The following EXT1 variants were observed in gnomAD, a reference collection of about 807,000 sequenced individuals.
The protein encoded by EXT1 is exostosin-1.
EXT1 carries 20 observed loss-of-function variants against 82.5 expected under a neutral mutation model. That is an observed-to-expected ratio of 0.24 (90% CI 0.17 to 0.35). The LOEUF is 0.35. Ranked by LOEUF, EXT1 falls within the 10% of genes least tolerant of loss-of-function variation. The probability of loss-of-function intolerance (pLI) is 1.00; values close to 1 mark genes in which losing one functional copy is unlikely to be tolerated. For missense variants in EXT1, 757 were observed against 936.5 expected (o/e 0.81, Z 2.50); for synonymous variants, 348 against 350.8 (o/e 0.99, Z 0.09).
At chr8:117,986,214 A>C (rs1259474399) in intron 1 of EXT1, among the ~76,000 whole-genome samples, 1 of 119,288 alleles carries the variant, frequency 8.4e-6, no homozygotes, top group Non-Finnish European at 1.7e-5. Flanking sequence ...TTTTGAGACG[A>C]AGTCTCGCTC....
intron 1 of EXT1, among the ~76,000 whole-genome samples, chr8:118,109,227 AG>A (rs146606845): frequency 0.012 from 1,875 of 152,250 alleles, 45 homozygotes; most frequent in African/African-American, 0.043. Flanking sequence ...CTCACTACAG[AG>A]GGTAAGGAGG....
At chr8:117,994,812 C>A (rs924263309) in intron 1 of EXT1, among the ~76,000 whole-genome samples, 2 of 152,160 alleles carry the variant, frequency 1.3e-5, no homozygotes, top group Admixed American at 6.6e-5. Context: ...ATCTAACTGT[C>A]GGATGCAATC....
intron 1 of EXT1, among the ~76,000 whole-genome samples, chr8:118,018,002 C>T (rs1295557740): frequency 6.6e-6 from 1 of 152,216 alleles, no homozygotes. Flanking sequence ...GATTATAGTG[C>T]TATTCATTGC....
chr8:117,864,488 G>A (rs1012292827), intron 1 of EXT1, among the ~76,000 whole-genome samples: 1 of 152,200 alleles, frequency 6.6e-6, no homozygotes, highest in Admixed American at 6.5e-5. Flanking sequence ...AGTGGCTCAC[G>A]CCTGTAATCC....
At chr8:118,074,610 C>T (rs926285846) in intron 1 of EXT1, among the ~76,000 whole-genome samples, 1 of 149,890 alleles carries the variant, frequency 6.7e-6, no homozygotes, top group Admixed American at 6.6e-5. Flanking sequence ...CGGGTGAGAA[C>T]ATTGAATTGA....
At position 117,818,492 on chromosome 8, in the gene EXT1, G is replaced by C; in HGVS notation, c.1575C>G (p.Ala525=). The change falls in exon 7 of 11, where the codon GCC becomes GCG. Residue 525 remains alanine (A), a synonymous_variant. Transcript: ENST00000378204. ...CAGCAGTGGCAGGCCAGCGGTGTTTGGCTGGTAGGGGCTTGTCACAATTCC... is the reference window on the plus strand; with the variant it reads ...CAGCAGTGGCAGGCCAGCGGTGTTTCGCTGGTAGGGGCTTGTCACAATTCC... ...VLWNCDKPLP[A]KHRWPATAVP... 6.2e-7 allele frequency: 1 copy of C among 1,614,042 alleles called. No homozygotes were observed.
At chr8:117,851,804 C>A (rs1289479623) in intron 1 of EXT1, among the ~76,000 whole-genome samples, 1 of 152,094 alleles carries the variant, frequency 6.6e-6, no homozygotes. Context: ...CATTCTTGGA[C>A]ACTGTGTTTG....
intron 1 of EXT1, among the ~76,000 whole-genome samples, chr8:117,847,990 C>T (rs1373943781): frequency 1.3e-5 from 2 of 152,216 alleles, no homozygotes; most frequent in Non-Finnish European, 2.9e-5. Context: ...TGCCTTGTGA[C>T]TTTGACAGTC....
intron 4 of EXT1, among the ~76,000 whole-genome samples, chr8:117,829,244 G>C (rs138787885): frequency 2.0e-5 from 3 of 152,142 alleles, no homozygotes; most frequent in Admixed American, 6.5e-5. Context: ...AATGCTATCT[G>C]CTCTATTTCC....
chr8:117,801,261 T>C (rs62521078), intron 10 of EXT1, among the ~76,000 whole-genome samples: 4,547 of 152,344 alleles, frequency 0.03, 101 homozygotes, highest in Middle Eastern at 0.051. Context: ...GTGAAGTATC[T>C]ACCCAGGTAA....
At position 117,818,660 on chromosome 8, in the gene EXT1, A is replaced by G. The variant is rs78027235; in HGVS notation, c.1537-130T>C. ...ATCTCAGCAAGACAAAACGGCAGAC[A>G]TCAAAACTGAGTTTTAAAGTGAGTC... On this transcript the variant is annotated intron_variant, in intron 6 of 10. Coordinates refer to ENST00000378204, the MANE Select transcript of EXT1 (RefSeq NM_000127.3). The G allele has an allele frequency of 1.1e-4, 78 of 739,346 alleles. 2 individuals carry two copies. The East Asian group carries it at 1.2e-3, about 12-fold the overall frequency. The allele number at this position is 739,346 out of a possible 1,614,324, so 45.8% of individuals were successfully genotyped here.
chr8:118,073,887 T>A (rs1817153601), intron 1 of EXT1, among the ~76,000 whole-genome samples: 1 of 152,166 alleles, frequency 6.6e-6, no homozygotes, highest in South Asian at 2.1e-4. Context: ...CTCTCATCTT[T>A]CCAACGGTCC....
At chr8:117,970,739 C>T (rs1351383557) in intron 1 of EXT1, among the ~76,000 whole-genome samples, 9 of 152,162 alleles carry the variant, frequency 5.9e-5, no homozygotes, top group Admixed American at 5.9e-4. Flanking sequence ...CAGTTACAAA[C>T]TTCATTGAGT....
At chr8:118,078,559 A>G (rs964055387) in intron 1 of EXT1, among the ~76,000 whole-genome samples, 18 of 140,858 alleles carry the variant, frequency 1.3e-4, no homozygotes, top group Non-Finnish European at 1.6e-4. Context: ...TTTTGGTGGG[A>G]AAAAAAAAAA....
intron 1 of EXT1, among the ~76,000 whole-genome samples, chr8:117,997,205 G>C (rs564597031): frequency 7.6e-4 from 114 of 150,492 alleles, no homozygotes; most frequent in Non-Finnish European, 1.3e-3. Flanking sequence ...CTCAAATTGA[G>C]GCATTGATTG....
intron 1 of EXT1, among the ~76,000 whole-genome samples, chr8:117,958,232 T>C (rs2129710939): frequency 6.6e-6 from 1 of 152,300 alleles, no homozygotes; most frequent in South Asian, 2.1e-4. Flanking sequence ...AATTTCTTTG[T>C]GAACAACATT....
intron 1 of EXT1, among the ~76,000 whole-genome samples, chr8:117,889,947 G>GA (rs945355586): frequency 2.7e-4 from 41 of 151,968 alleles, no homozygotes; most frequent in African/African-American, 9.2e-4. Flanking sequence ...GTTTTTATAT[G>GA]AAAAAAATGA....
Position 118,076,642 on chromosome 8 carries a change from CA to C in EXT1, c.962+33442del, listed in dbSNP as rs535336325. Among the ~76,000 whole-genome samples the C allele has an allele frequency of 8.9e-4, 135 of 152,344 alleles. 2 individuals carry two copies. The highest frequency in any genetic ancestry group is 3.4e-3 in the Middle Eastern group (1 of 294). On this transcript the variant is annotated intron_variant, in intron 1 of 10. Transcript: ENST00000378204. ...ACCCAATCCCTGCCACAAGTGCTCA[CA>C]CTGTCAGTGCTCACAATAGTAAGTG... is the stretch of plus-strand genomic sequence containing the variant.
intron 1 of EXT1, among the ~76,000 whole-genome samples, chr8:118,105,942 A>C (rs768032017): frequency 6.6e-6 from 1 of 152,214 alleles, no homozygotes; most frequent in South Asian, 2.1e-4. Flanking sequence ...AATTCAACTT[A>C]TTGTTCAGTC....
Sources: allele counts gnomAD v4.1 joint callset (sites outside exome capture counted in the v4.1 genomes callset), GRCh38; gene constraint gnomAD v4.1.1; transcripts MANE v1.5; gene names NCBI Gene and HGNC (gene_info 2026-07-23, HGNC 2026-07-21).